The following SYCE3 variants were observed in gnomAD, a reference collection of about 807,000 sequenced individuals.
The protein encoded by SYCE3 is synaptonemal complex central element protein 3.
In SYCE3, 3 loss-of-function variants were observed where a neutral mutation model predicts 8.1. The ratio of observed to expected loss-of-function variants is 0.37; its 90% CI spans 0.17 to 0.96. The LOEUF (loss-of-function observed/expected upper bound fraction) is 0.96. Ranked by LOEUF, SYCE3 falls within the 40% of genes least tolerant of loss-of-function variation. SYCE3 has a pLI of 0.41. For synonymous variants in SYCE3, 36 were observed against 38.7 expected (o/e 0.93, Z 0.26); for missense variants, 83 against 110.0 (o/e 0.75, Z 1.10).
At chr22:50,557,274 A>G (rs2069870031) in intron 1 of SYCE3, among the ~76,000 whole-genome samples, 2 of 151,118 alleles carry the variant, frequency 1.3e-5, no homozygotes, top group African/African-American at 4.9e-5. Context: ...CTCCTGCCTC[A>G]GCCTCCTGAG....
In SYCE3 at chr22:50,553,202, A is replaced by AAAATAAATAAATAAAT. The variant is rs368358510; in HGVS notation, c.110-1816_110-1801dup. Among the ~76,000 whole-genome samples, 65 of 151,560 alleles carry AAAATAAATAAATAAAT rather than the reference A, an allele frequency of 4.3e-4. 1 individual carries two copies. Among genetic ancestry groups the AAAATAAATAAATAAAT allele is most frequent in the Middle Eastern group, 3.4e-3 (1 of 294 alleles). ...GGGTGACAGAGTATGACCCTGTCTCAAAATAAATAAATAAATAAATAAAAT... is the reference window on the plus strand; with the variant it reads ...GGGTGACAGAGTATGACCCTGTCTCAAAATAAATAAATAAATAAATAAATAAATAAATAAATAAAAT... On this transcript the variant is annotated intron_variant, in intron 2 of 2. Coordinates refer to ENST00000406915, the MANE Select transcript of SYCE3 (RefSeq NM_001123225.3).
intron 1 of SYCE3, among the ~76,000 whole-genome samples, chr22:50,561,285 T>A (rs1307702795): frequency 1.3e-5 from 2 of 151,976 alleles, no homozygotes; most frequent in Non-Finnish European, 1.5e-5. Context: ...GCTAGAAGGA[T>A]GGAGGCTGGG....
chr22:50,558,827 C>A (rs1262271133), intron 1 of SYCE3, among the ~76,000 whole-genome samples: 1 of 152,168 alleles, frequency 6.6e-6, no homozygotes, highest in Non-Finnish European at 1.5e-5. Flanking sequence ...TTTGTCTGTC[C>A]TCCTCACTCC....
chr22:50,556,450 T>C (rs1164834885), intron 1 of SYCE3, 45 bp from the exon 2 acceptor site: 5 of 1,355,828 alleles, frequency 3.7e-6, no homozygotes, highest in Non-Finnish European at 5.1e-6. Context: ...AGACCTACAT[T>C]TCAAATCCAG....
chr22:50,555,362 C>T (rs2069849821), intron 2 of SYCE3, among the ~76,000 whole-genome samples: 1 of 152,110 alleles, frequency 6.6e-6, no homozygotes, highest in Non-Finnish European at 1.5e-5. Context: ...GCTATTTGGC[C>T]AGGCACGCTG....
chr22:50,554,509 A>G (rs2069839735), intron 2 of SYCE3, among the ~76,000 whole-genome samples: 1 of 151,350 alleles, frequency 6.6e-6, no homozygotes, highest in South Asian at 2.1e-4. Flanking sequence ...GCCTGGCCAA[A>G]ATGGTGAAAC....
intron 1 of SYCE3, among the ~76,000 whole-genome samples, chr22:50,559,154 TCTCA>T (rs2069889651): frequency 1.3e-5 from 2 of 151,034 alleles, no homozygotes; most frequent in South Asian, 4.2e-4. Flanking sequence ...TGAGACGGAG[TCTCA>T]CTCTGTTGCC....
At chr22:50,557,083 C>T (rs949174374) in intron 1 of SYCE3, among the ~76,000 whole-genome samples, 4 of 152,072 alleles carry the variant, frequency 2.6e-5, no homozygotes, top group East Asian at 1.9e-4. Flanking sequence ...CAAATCTTGG[C>T]GCTACCTCAT....
intron 1 of SYCE3, among the ~76,000 whole-genome samples, chr22:50,558,205 C>T (rs1037870750): frequency 2.0e-5 from 3 of 152,152 alleles, no homozygotes; most frequent in East Asian, 1.9e-4. Context: ...GGGTGGATCA[C>T]CTGAGGTCAG....
chr22:50,551,164 A>G lies in SYCE3; in HGVS notation c.*81T>C. 6.7e-7 allele frequency: 1 copy of G among 1,502,430 alleles called. No homozygotes were observed. Among genetic ancestry groups the G allele is most frequent in the Non-Finnish European group, 9.0e-7 (1 of 1,111,936 alleles). 93.1% of individuals were successfully genotyped at this position (1,502,430 alleles called of 1,614,324 possible). ...ACAAGTACAGTGCATACAGCTATTCATGTGGGTGCCAGCTCCATCCCCCAG... is the reference window on the plus strand; with the variant it reads ...ACAAGTACAGTGCATACAGCTATTCGTGTGGGTGCCAGCTCCATCCCCCAG... On this transcript the variant is annotated 3_prime_UTR_variant, in exon 3 of 3. Transcript: ENST00000406915.
chr22:50,551,429 G>A (rs1331820393), intron 2 of SYCE3, 27 bp from the exon 3 acceptor site: 1 of 1,536,038 alleles, frequency 6.5e-7, no homozygotes, highest in Admixed American at 2.0e-5. Flanking sequence ...GGACTGGTCA[G>A]GCCACAGGGA....
chr22:50,562,838 G>T lies in SYCE3; in HGVS notation c.-1+20C>A, dbSNP rs6010009. 253 of 152,272 alleles carry T rather than the reference G, an allele frequency of 1.7e-3. 1 individual carries two copies. Among genetic ancestry groups the T allele is most frequent in the African/African-American group, 4.4e-3 (184 of 41,388 alleles). The allele number at this position is 152,272 out of a possible 1,614,324, so 9.4% of individuals were successfully genotyped here. ...GCGCGTTGGGAGGGCCGGGGCCCAG[G>T]GGGGCGCGGCCTCGCTCACCTCCAG... On this transcript the variant is annotated intron_variant, in intron 1 of 2. Transcript: ENST00000406915.
chr22:50,552,565 G>A (rs2069820592), intron 2 of SYCE3, among the ~76,000 whole-genome samples: 1 of 152,184 alleles, frequency 6.6e-6, no homozygotes, highest in African/African-American at 2.4e-5. Flanking sequence ...GGCTGAGGCA[G>A]GAGAATCGCT....
intron 2 of SYCE3, among the ~76,000 whole-genome samples, chr22:50,551,761 G>A (rs1370260574): frequency 6.6e-6 from 1 of 152,064 alleles, no homozygotes; most frequent in African/African-American, 2.4e-5. Context: ...GACCCCTAAG[G>A]AGTCATCCAC....
chr22:50,561,858 G>A (rs911378167), intron 1 of SYCE3, among the ~76,000 whole-genome samples: 2 of 149,956 alleles, frequency 1.3e-5, no homozygotes, highest in African/African-American at 2.5e-5. Context: ...TGAAGTGCAG[G>A]TGGAGGAAGC....
intron 1 of SYCE3, 177 bp from the exon 2 acceptor site, chr22:50,556,582 C>G: frequency 1.9e-6 from 1 of 538,950 alleles, no homozygotes. Context: ...TCTAAAGGCC[C>G]CAGCATAGCA....
At chr22:50,559,274 C>T (rs2069891150) in intron 1 of SYCE3, among the ~76,000 whole-genome samples, 1 of 152,038 alleles carries the variant, frequency 6.6e-6, no homozygotes, top group African/African-American at 2.4e-5. Flanking sequence ...TTACAGGTGC[C>T]CGCCACCATG....
intron 1 of SYCE3, among the ~76,000 whole-genome samples, chr22:50,556,644 C>T (rs926992821): frequency 6.6e-6 from 1 of 152,190 alleles, no homozygotes; most frequent in Non-Finnish European, 1.5e-5. Context: ...GCCATACAAA[C>T]GTAGCTGAAG....
chr22:50,556,084 C>G (rs527251492), intron 2 of SYCE3, among the ~76,000 whole-genome samples: 1 of 152,250 alleles, frequency 6.6e-6, no homozygotes, highest in Non-Finnish European at 1.5e-5. Context: ...TGAGCCACCG[C>G]GCCCGGCCGA....
Sources: gnomAD v4.1 joint callset for allele counts (sites outside exome capture counted in the v4.1 genomes callset) on GRCh38, gnomAD v4.1.1 for gene constraint, MANE v1.5 for transcripts, NCBI Gene and HGNC (gene_info 2026-07-23, HGNC 2026-07-21) for gene names.